The following CENPK variants were observed in gnomAD, a reference collection of about 807,000 sequenced individuals.
CENPK encodes centromere protein K.
Under a neutral mutation model 40.9 loss-of-function variants are expected in CENPK, and 46 were observed. That is an observed-to-expected ratio of 1.13 (90% CI 0.89 to 1.44). The LOEUF (loss-of-function observed/expected upper bound fraction) is 1.44, where lower values mean the gene tolerates loss of function less well. Among genes scored for constraint, CENPK ranks in the 40% most tolerant of loss-of-function variants. The probability of loss-of-function intolerance (pLI) is 0.00; values close to 1 mark genes in which losing one functional copy is unlikely to be tolerated. For missense variants in CENPK, 288 were observed against 303.5 expected, an observed-to-expected ratio of 0.95 and a Z score of 0.38; for synonymous variants, 107 against 104.4, an observed-to-expected ratio of 1.02 and a Z score of -0.15.
intron 5 of CENPK, chr5:65,550,766 TA>T (rs1027986790): frequency 8.1e-5 from 12 of 148,930 alleles, no homozygotes; most frequent in African/African-American, 1.5e-4. Context: ...CTCTCACATT[TA>T]AAAAAAAAAG....
chr5:65,531,107 T>C (rs1379287462), intron 6 of CENPK, among the ~76,000 whole-genome samples: 1 of 151,484 alleles, frequency 6.6e-6, no homozygotes, highest in Non-Finnish European at 1.5e-5. Context: ...CAGTGAGCTA[T>C]GATATCAACA....
chr5:65,549,294 G>A (rs894043358), intron 5 of CENPK, among the ~76,000 whole-genome samples: 10 of 152,104 alleles, frequency 6.6e-5, no homozygotes, highest in African/African-American at 1.9e-4. Flanking sequence ...TGTCATCCAG[G>A]CTTTACTGTT....
intron 3 of CENPK, among the ~76,000 whole-genome samples, chr5:65,553,621 T>C (rs1326968255): frequency 1.3e-5 from 2 of 152,174 alleles, no homozygotes; most frequent in Admixed American, 6.5e-5. Flanking sequence ...TTTGGGGAAA[T>C]AATCCCATCA....
At chr5:65,545,322 GCGCACACACACACA>G (rs70983676) in intron 5 of CENPK, among the ~76,000 whole-genome samples, 10,882 of 133,136 alleles carry the variant, frequency 0.082, 860 homozygotes, top group Non-Finnish European at 0.1. Context: ...TCCTCAAAGC[GCGCACACACACACA>G]CACACACACA....
At chr5:65,507,481 A>G in the CENPK span, among the ~76,000 whole-genome samples, 4 of 152,192 alleles carry the variant, frequency 2.6e-5, no homozygotes, top group Admixed American at 6.6e-5. Context: ...TCTTTGCATT[A>G]GATTCCTTCA....
chr5:65,524,309 C>T (rs754190378), intron 9 of CENPK, among the ~76,000 whole-genome samples: 5 of 151,018 alleles, frequency 3.3e-5, no homozygotes, highest in East Asian at 1.9e-4. Flanking sequence ...CGTGTGAACC[C>T]GGGAGGTGGA....
intron 6 of CENPK, among the ~76,000 whole-genome samples, chr5:65,532,910 CAAA>C (rs60713724): frequency 3.5e-4 from 13 of 37,012 alleles, no homozygotes; most frequent in Non-Finnish European, 5.6e-4. Context: ...ACTCCATCTC[CAAA>C]AAAAAAAAAA....
At chr5:65,559,834 A>G (rs1328614577) in intron 2 of CENPK, among the ~76,000 whole-genome samples, 2 of 152,100 alleles carry the variant, frequency 1.3e-5, no homozygotes, top group Non-Finnish European at 2.9e-5. Context: ...CACATGACAC[A>G]TGACAGAGAT....
At chr5:65,497,283 G>A in the CENPK span, among the ~76,000 whole-genome samples, 7 of 151,838 alleles carry the variant, frequency 4.6e-5, no homozygotes, top group South Asian at 4.2e-4. Context: ...CAGGAGAATC[G>A]CTTGAACCCG....
intron 6 of CENPK, among the ~76,000 whole-genome samples, chr5:65,530,135 C>T (rs1333106669): frequency 1.3e-5 from 2 of 152,094 alleles, no homozygotes; most frequent in African/African-American, 4.8e-5. Context: ...CTGTACAAAA[C>T]GGACACAAAT....
rs1210224911 is a variant in CENPK at position 65,563,154 on chromosome 5, G to A, written c.-198C>T. 1.0e-6 allele frequency: 1 copy of A among 958,618 alleles called. No homozygotes were observed. The highest frequency in any genetic ancestry group is 1.5e-6 in the Non-Finnish European group (1 of 659,378). The allele number at this position is 958,618 out of a possible 1,614,324, so 59.4% of individuals were successfully genotyped here. A position where few individuals can be genotyped will look rare whatever the true frequency, so the allele number is the denominator to read the frequency against. On this transcript the variant is annotated 5_prime_UTR_variant, in exon 1 of 11. Transcript: ENST00000396679. ...GGCGCTGCGCAGGAAGCGCTTGCCA[G>A]CCCCGGACTTCTGCGCGCGCTGCAT...
At chr5:65,515,708 T>C (rs1261563964), downstream of CENPK, among the ~76,000 whole-genome samples, 1 of 152,180 alleles carries the variant, frequency 6.6e-6, no homozygotes, top group African/African-American at 2.4e-5. Flanking sequence ...TTGAAAAGAA[T>C]AAGTTAATTA....
intron 6 of CENPK, chr5:65,529,581 G>A (rs1241909596): frequency 3.6e-5 from 6 of 167,806 alleles, no homozygotes; most frequent in South Asian, 1.5e-4. Flanking sequence ...TCCGCCTCCC[G>A]GGTTCACGCC....
At chr5:65,541,120 G>A (rs1747897128) in intron 6 of CENPK, among the ~76,000 whole-genome samples, 1 of 152,146 alleles carries the variant, frequency 6.6e-6, no homozygotes, top group Admixed American at 6.6e-5. Flanking sequence ...ACCATGCCCA[G>A]CCATGTATCC....
intron 3 of CENPK, among the ~76,000 whole-genome samples, chr5:65,553,306 G>T (rs1210052768): frequency 6.6e-6 from 1 of 150,990 alleles, no homozygotes; most frequent in East Asian, 1.9e-4. Flanking sequence ...ACTGGAAGAA[G>T]AAGAATTATC....
intron 2 of CENPK, among the ~76,000 whole-genome samples, chr5:65,559,612 G>A (rs1033260195): frequency 2.3e-5 from 3 of 132,372 alleles, no homozygotes; most frequent in Non-Finnish European, 3.1e-5. Flanking sequence ...CTGGGCGACA[G>A]AGCGAGACTC....
downstream of CENPK, among the ~76,000 whole-genome samples, chr5:65,516,435 C>T (rs1006710585): frequency 4.6e-5 from 7 of 152,124 alleles, no homozygotes; most frequent in African/African-American, 1.4e-4. Flanking sequence ...TAAACAGATA[C>T]GAACAATCCA....
chr5:65,521,892 G>A (rs888502059), intron 9 of CENPK, among the ~76,000 whole-genome samples: 4 of 152,248 alleles, frequency 2.6e-5, no homozygotes, highest in Admixed American at 1.3e-4. Flanking sequence ...GTGAGCCACC[G>A]CGTTTGGCCA....
chr5:65,559,038 G>A (rs1751459985), intron 2 of CENPK, among the ~76,000 whole-genome samples: 1 of 152,158 alleles, frequency 6.6e-6, no homozygotes. Context: ...TAAGGAGGTA[G>A]ACAGTGCAAT....
Sources: gnomAD v4.1 joint callset for allele counts (sites outside exome capture counted in the v4.1 genomes callset) on GRCh38, gnomAD v4.1.1 for gene constraint, MANE v1.5 for transcripts, NCBI Gene and HGNC (gene_info 2026-07-23, HGNC 2026-07-21) for gene names.